The following STK31 variants were observed in gnomAD, a reference collection of about 807,000 sequenced individuals.
The protein encoded by STK31 is serine/threonine kinase 31.
In STK31, 89 loss-of-function variants were observed where a neutral mutation model predicts 129.7. The ratio of observed to expected loss-of-function variants is 0.69; its 90% confidence interval spans 0.58 to 0.82. The LOEUF is 0.82. STK31 is among the 40% of genes least tolerant of loss of function. STK31 has a pLI of 0.00. For missense variants in STK31, 1,187 were observed against 1,176.4 expected, an observed-to-expected ratio of 1.01 and a Z score of -0.13; for synonymous variants, 448 against 395.3, an observed-to-expected ratio of 1.13 and a Z score of -1.58.
intron 22 of STK31, among the ~76,000 whole-genome samples, chr7:23,800,933 A>G (rs1161803420): frequency 6.6e-6 from 1 of 152,166 alleles, no homozygotes; most frequent in African/African-American, 2.4e-5. Flanking sequence ...TTGTATGTAC[A>G]TACCAAATTT....
rs908543293 is a variant in STK31 at position 23,762,843 on chromosome 7, C to A, written c.1336C>A (p.Gln446Lys). ...ILIAQRNEMQQKLYMSVEDFI... is the reference protein window; with the variant it reads ...ILIAQRNEMQKKLYMSVEDFI... ...GATTGCCCAAAGAAATGAAATGCAG[C>A]AGAAGCTGTACATGTCAGTAGAAGA... The change falls in exon 11 of 24, where the codon CAG becomes AAG. Residue 446 changes from glutamine (Q) to lysine (K), a missense_variant. By Grantham distance (53) the Gln-to-Lys change is moderately conservative. Around this residue, in one of 5 missense-constraint regions of STK31, gnomAD observed 975 missense variants for 934.9 expected, o/e 1.04. Transcript: ENST00000355870. 6.2e-7 allele frequency: 1 copy of A among 1,608,202 alleles called. No individual in the cohort carries two copies. Among genetic ancestry groups the A allele is most frequent in the African/African-American group, 1.3e-5 (1 of 74,756 alleles).
intron 8 of STK31, among the ~76,000 whole-genome samples, chr7:23,749,527 T>TC (rs1554287803): frequency 2.0e-5 from 3 of 150,336 alleles, no homozygotes; most frequent in East Asian, 3.9e-4. Context: ...TTTTTTTTTT[T>TC]TTTTGGGGGT....
intron 4 of STK31, 66 bp from the exon 5 acceptor site, chr7:23,727,175 C>T (rs1194492668): frequency 1.5e-6 from 2 of 1,325,110 alleles, no homozygotes; most frequent in African/African-American, 1.5e-5. Context: ...TAAATGCTAA[C>T]CTTTATTCTG....
intron 11 of STK31, among the ~76,000 whole-genome samples, chr7:23,765,242 A>G (rs1248740313): frequency 2.0e-5 from 3 of 151,866 alleles, no homozygotes; most frequent in African/African-American, 7.3e-5. Context: ...TTTAGTAGAG[A>G]TGGGTTTCAC....
intron 8 of STK31, among the ~76,000 whole-genome samples, chr7:23,748,716 CT>C (rs993243607): frequency 6.6e-6 from 1 of 151,968 alleles, no homozygotes; most frequent in East Asian, 1.9e-4. Flanking sequence ...ATAACATTTT[CT>C]TTTTTTTGGC....
intron 22 of STK31, among the ~76,000 whole-genome samples, chr7:23,795,639 C>G (rs547141604): frequency 6.6e-6 from 1 of 152,264 alleles, no homozygotes; most frequent in East Asian, 1.9e-4. Context: ...AATGCCAGCC[C>G]ATGAAAGCAG....
chr7:23,773,195 GACCCCC>G lies in STK31; in HGVS notation c.1965+924_1965+929del, dbSNP rs377491279. Among the ~76,000 whole-genome samples, 4 of 151,898 alleles carry G rather than the reference GACCCCC, an allele frequency of 2.6e-5. No individual in the cohort carries two copies. The East Asian group carries it at 7.8e-4, about 29-fold the overall frequency. ...TTCTCCTAATGCTATTCCTCCCCTA[GACCCCC>G]ACCCCCTGACAGGCCCAGTGTGTGA... On this transcript the variant is annotated intron_variant, in intron 15 of 23. Coordinates refer to ENST00000355870, the MANE Select transcript of STK31 (RefSeq NM_031414.5).
At chr7:23,797,540 A>T (rs896704845) in intron 22 of STK31, among the ~76,000 whole-genome samples, 3 of 152,214 alleles carry the variant, frequency 2.0e-5, no homozygotes, top group African/African-American at 4.8e-5. Context: ...TAAGGCAGAA[A>T]TAAATAAGTT....
chr7:23,770,036 A>G (rs1790086571), intron 13 of STK31, among the ~76,000 whole-genome samples: 1 of 152,178 alleles, frequency 6.6e-6, no homozygotes. Flanking sequence ...ATTTGAGTGG[A>G]CAATCTTGTC....
intron 8 of STK31, among the ~76,000 whole-genome samples, chr7:23,748,448 T>C (rs1459124706): frequency 1.3e-5 from 2 of 152,228 alleles, no homozygotes; most frequent in Non-Finnish European, 2.9e-5. Flanking sequence ...TAGTTCACCC[T>C]TGAACATGAG....
chr7:23,786,106 C>CT (rs1187392271), intron 18 of STK31, among the ~76,000 whole-genome samples: 12 of 150,342 alleles, frequency 8.0e-5, no homozygotes, highest in Non-Finnish European at 1.3e-4. Context: ...ATATACTTTC[C>CT]TTTTTTTTTG....
intron 23 of STK31, among the ~76,000 whole-genome samples, chr7:23,822,529 G>T (rs10215061): frequency 1.3e-5 from 2 of 152,100 alleles, no homozygotes; most frequent in Non-Finnish European, 2.9e-5. Flanking sequence ...AAGCTTTTTG[G>T]TGGAGTCTTT....
At chr7:23,761,861 GTTTTA>G (rs1255370252) in intron 10 of STK31, among the ~76,000 whole-genome samples, 2 of 141,672 alleles carry the variant, frequency 1.4e-5, no homozygotes, top group Admixed American at 1.4e-4. Flanking sequence ...GTATTTTATA[GTTTTA>G]TTTATAGTTT....
At chr7:23,783,883 C>G (rs1356314546) in intron 17 of STK31, among the ~76,000 whole-genome samples, 1 of 151,972 alleles carries the variant, frequency 6.6e-6, no homozygotes, top group Non-Finnish European at 1.5e-5. Flanking sequence ...TTCTGCTTTC[C>G]TCATCCTCAT....
At position 23,715,067 on chromosome 7, in the gene STK31, A is replaced by G. The variant is rs115136460; in HGVS notation, c.151-2414A>G. The stretch of plus-strand genomic sequence containing the variant: ...AACATTAAAACTACTAATGGTATAT[A>G]AATGAATGTAGTGGTTATTTCAATA... On this transcript the variant is annotated intron_variant, in intron 3 of 23. Transcript: ENST00000355870. Among the ~76,000 whole-genome samples, 300 of 152,342 alleles carry G rather than the reference A, an allele frequency of 2.0e-3. 1 individual carries two copies. The highest frequency in any genetic ancestry group is 6.9e-3 in the African/African-American group (287 of 41,588).
At chr7:23,758,890 G>A (rs1468840642) in intron 10 of STK31, among the ~76,000 whole-genome samples, 3 of 152,110 alleles carry the variant, frequency 2.0e-5, no homozygotes, top group Admixed American at 6.6e-5. Flanking sequence ...CTGTATTCAG[G>A]AGACCCATCT....
At chr7:23,720,320 C>T (rs865979171) in intron 4 of STK31, among the ~76,000 whole-genome samples, 3 of 152,114 alleles carry the variant, frequency 2.0e-5, no homozygotes, top group South Asian at 4.1e-4. Context: ...AAGCTTAGCC[C>T]TACCTTGTCA....
intron 8 of STK31, among the ~76,000 whole-genome samples, chr7:23,748,259 T>C (rs1440907151): frequency 2.0e-5 from 3 of 152,214 alleles, no homozygotes; most frequent in Non-Finnish European, 4.4e-5. Flanking sequence ...TTTTCAATTA[T>C]CTTTCTGTTA....
intron 8 of STK31, among the ~76,000 whole-genome samples, chr7:23,743,516 G>T (rs761214630): frequency 2.7e-4 from 41 of 152,280 alleles, no homozygotes; most frequent in Non-Finnish European, 5.3e-4. Flanking sequence ...TCTGATGGGG[G>T]TTTCCTTATA....
Sources: gnomAD v4.1 joint callset for allele counts (sites outside exome capture counted in the v4.1 genomes callset) on GRCh38, gnomAD v4.1.1 for gene constraint, gnomAD v4.1.1 regional missense constraint, MANE v1.5 for transcripts, NCBI Gene and HGNC (gene_info 2026-07-23, HGNC 2026-07-21) for gene names.